The following CDH18 variants were observed in gnomAD, a reference collection of about 807,000 sequenced individuals.
CDH18 encodes cadherin 18.
A neutral mutation model predicts 67.9 loss-of-function variants in CDH18; 31 were observed. The ratio of observed to expected loss-of-function variants is 0.46; its 90% CI spans 0.34 to 0.62. CDH18 has a LOEUF of 0.62. Ranked by LOEUF, CDH18 falls within the 20% of genes least tolerant of loss-of-function variation. The pLI, the probability that CDH18 is intolerant of heterozygous loss-of-function variation, is 0.01. For missense variants in CDH18, 890 were observed against 975.5 expected (o/e 0.91, Z 1.17); for synonymous variants, 362 against 347.2 (o/e 1.04, Z -0.48).
At chr5:20,408,688 TAAG>T (rs1746509665) in intron 1 of CDH18, among the ~76,000 whole-genome samples, 2 of 151,922 alleles carry the variant, frequency 1.3e-5, no homozygotes, top group South Asian at 4.1e-4. Context: ...GCCTAAGAAC[TAAG>T]AAGAACAGAA....
intron 1 of CDH18, among the ~76,000 whole-genome samples, chr5:20,398,192 T>C (rs1339112531): frequency 6.6e-6 from 1 of 152,130 alleles, no homozygotes; most frequent in Non-Finnish European, 1.5e-5. Flanking sequence ...ATTAAGTGTG[T>C]GGTATTTTAA....
intron 3 of CDH18, among the ~76,000 whole-genome samples, chr5:19,768,455 A>G (rs1456263292): frequency 1.3e-5 from 2 of 152,166 alleles, no homozygotes; most frequent in African/African-American, 4.8e-5. Context: ...TACAAAGAAC[A>G]TAGATCTAAC....
intron 3 of CDH18, among the ~76,000 whole-genome samples, chr5:19,828,383 C>T (rs62355791): frequency 0.055 from 8,395 of 152,146 alleles, 296 homozygotes; most frequent in Middle Eastern, 0.075. Flanking sequence ...CAGCATCATC[C>T]TGATACAAAA....
At chr5:19,877,522 A>G (rs1244773043) in intron 2 of CDH18, among the ~76,000 whole-genome samples, 1 of 152,158 alleles carries the variant, frequency 6.6e-6, no homozygotes, top group Non-Finnish European at 1.5e-5. Context: ...GTGCACATGA[A>G]AGAATTCAGT....
intron 1 of CDH18, among the ~76,000 whole-genome samples, chr5:20,364,513 A>G (rs909668597): frequency 6.6e-6 from 1 of 152,174 alleles, no homozygotes; most frequent in Non-Finnish European, 1.5e-5. Flanking sequence ...TACAGAGTTG[A>G]GAGTCTAGGT....
At chr5:19,804,705 CAT>C (rs1777855345) in intron 3 of CDH18, among the ~76,000 whole-genome samples, 1 of 152,118 alleles carries the variant, frequency 6.6e-6, no homozygotes, top group Non-Finnish European at 1.5e-5. Context: ...TGTTGAGAAA[CAT>C]GTAAATTTTC....
chr5:20,249,665 C>T (rs1743676960), intron 2 of CDH18, among the ~76,000 whole-genome samples: 1 of 152,090 alleles, frequency 6.6e-6, no homozygotes, highest in South Asian at 2.1e-4. Context: ...CCACCGCGCC[C>T]GGCCTATTCC....
Position 20,493,434 on chromosome 5 carries a change from G to A in CDH18, c.-580+82028C>T, listed in dbSNP as rs532979472. On this transcript the variant is annotated intron_variant, in intron 1 of 14. Transcript: ENST00000507958. ...TTTATTGTTTCTGTTGTCTATTTGT[G>A]GAAATAAACAAAGGCCACTCAAATG... Among the ~76,000 whole-genome samples the A allele has an allele frequency of 1.3e-4, 19 of 145,302 alleles. No individual in the cohort carries two copies. The South Asian group carries it at 2.0e-3, about 15-fold the overall frequency.
chr5:19,517,361 T>C (rs985380046), intron 10 of CDH18, among the ~76,000 whole-genome samples: 1 of 150,062 alleles, frequency 6.7e-6, no homozygotes, highest in Non-Finnish European at 1.5e-5. Context: ...GAAACTATAG[T>C]ACTATAAGTA....
rs571111897 is a variant in CDH18, at chr5:20,182,375, G to C, written c.-518+73069C>G. Among the ~76,000 whole-genome samples the C allele has an allele frequency of 3.7e-4, 56 of 151,880 alleles. 1 individual carries two copies. The highest frequency in any genetic ancestry group is 1.3e-3 in the African/African-American group (53 of 41,448). ...TGCAGAACTTTGGGAGCCTCAAGTG[G>C]GCAGATCACCTGAGGTGAGGAGTTT... On this transcript the variant is annotated intron_variant, in intron 2 of 14. Coordinates refer to the CDH18 transcript ENST00000507958.
At chr5:20,086,563 G>C (rs779442293) in intron 2 of CDH18, among the ~76,000 whole-genome samples, 4 of 152,062 alleles carry the variant, frequency 2.6e-5, no homozygotes, top group Non-Finnish European at 5.9e-5. Flanking sequence ...TTGTTTTAGG[G>C]GCTAATACAT....
chr5:19,576,819 C>A (rs1285389367), intron 7 of CDH18, among the ~76,000 whole-genome samples: 1 of 151,882 alleles, frequency 6.6e-6, no homozygotes, highest in East Asian at 1.9e-4. Context: ...TCACATTAGA[C>A]AAGATATGGA....
At chr5:20,325,928 T>G (rs1738532346) in intron 1 of CDH18, among the ~76,000 whole-genome samples, 1 of 152,196 alleles carries the variant, frequency 6.6e-6, no homozygotes, top group Admixed American at 6.5e-5. Flanking sequence ...CCCTTCCCTC[T>G]TGGCTCCTGG....
At chr5:19,895,442 G>A (rs1181525865) in intron 2 of CDH18, among the ~76,000 whole-genome samples, 1 of 152,164 alleles carries the variant, frequency 6.6e-6, no homozygotes, top group African/African-American at 2.4e-5. Flanking sequence ...CAAAGGGTCT[G>A]AGAGTTAAAA....
chr5:20,080,521 C>A (rs1178196331), intron 2 of CDH18, among the ~76,000 whole-genome samples: 2 of 152,070 alleles, frequency 1.3e-5, no homozygotes, highest in Non-Finnish European at 2.9e-5. Context: ...CCACAATAAT[C>A]CCACCTAACT....
intron 12 of CDH18, among the ~76,000 whole-genome samples, chr5:19,477,765 G>A (rs1579673597): frequency 6.6e-6 from 1 of 152,104 alleles, no homozygotes; most frequent in East Asian, 1.9e-4. Flanking sequence ...CTTACAGTGA[G>A]TCATCTGGTA....
rs369250013 is a variant in CDH18 at position 20,460,050 on chromosome 5, A to G, written c.-580+115412T>C. Among the ~76,000 whole-genome samples, 4 of 152,162 alleles carry G rather than the reference A, an allele frequency of 2.6e-5. 1 individual carries two copies. In the East Asian group the frequency reaches 5.8e-4, roughly 22 times the overall value. On this transcript the variant is annotated intron_variant, in intron 1 of 14. Coordinates refer to the CDH18 transcript ENST00000507958. ...GGTCTTTAAAATAAACCAATGTAAT[A>G]TTCTGTAGAATATTACTATTGAAAG... is the stretch of plus-strand genomic sequence containing the variant.
chr5:20,507,447 A>G (rs1475244102), intron 1 of CDH18, among the ~76,000 whole-genome samples: 1 of 152,176 alleles, frequency 6.6e-6, no homozygotes, highest in Non-Finnish European at 1.5e-5. Flanking sequence ...ATATATGAAG[A>G]TAAGGAATTC....
At chr5:19,791,059 T>C (rs1776300185) in intron 3 of CDH18, among the ~76,000 whole-genome samples, 1 of 152,050 alleles carries the variant, frequency 6.6e-6, no homozygotes, top group Non-Finnish European at 1.5e-5. Flanking sequence ...AGTCCAGTTT[T>C]GTTCAGGTTA....
Sources: gnomAD v4.1 joint callset for allele counts (sites outside exome capture counted in the v4.1 genomes callset) on GRCh38, gnomAD v4.1.1 for gene constraint, MANE v1.5 for transcripts, NCBI Gene and HGNC (gene_info 2026-07-23, HGNC 2026-07-21) for gene names.